ANGEL2: variants seen among roughly 807,000 people sequenced by gnomAD.
ANGEL2 encodes angel homolog 2, also known as RNA 2',3'-cyclic phosphatase ANGEL2.
In ANGEL2, 41 loss-of-function variants were observed where a neutral mutation model predicts 66.0. That is an observed-to-expected ratio of 0.62 (90% confidence interval 0.48 to 0.81). ANGEL2 has a LOEUF of 0.81. Among genes scored for constraint, ANGEL2 ranks in the 30% least tolerant of loss-of-function variants. ANGEL2 has a pLI of 0.00. For missense variants in ANGEL2, 561 were observed against 641.6 expected (o/e 0.87, Z 1.36); for synonymous variants, 208 against 226.5 (o/e 0.92, Z 0.73).
Position 213,000,890 on chromosome 1 carries a change from GA to G in ANGEL2, c.1156del (p.Ser386HisfsTer16), listed in dbSNP as rs1367477028. 3 of 1,611,602 alleles carry G rather than the reference GA, an allele frequency of 1.9e-6. No homozygotes were observed. In the African/African-American group the frequency reaches 4.0e-5, roughly 22 times the overall value. ...AATAGATAAAATTCTTTGTCCCCGT[GA>G]AGACTGTTCCTGGCCAGATACCTAA... ...IGKVSGQEQSSRGQRILSIPI... is the reference protein window; with the variant it reads ...IGKVSGQEQSXRGQRILSIPI... On this transcript the variant is annotated frameshift_variant, in exon 6 of 9. Coordinates refer to ENST00000366962, the MANE Select transcript of ANGEL2 (RefSeq NM_144567.5). LOFTEE classifies it high-confidence loss of function.
At chr1:213,007,305 T>C (rs1053633788) in intron 3 of ANGEL2, 107 bp from the exon 4 acceptor site, 2 of 800,328 alleles carry the variant, frequency 2.5e-6, no homozygotes, top group South Asian at 2.1e-5. Context: ...ATTCCACACC[T>C]GATAAGAATT....
Position 213,015,833 on chromosome 1 carries a change from C to G in ANGEL2, c.-162G>C. Reference sequence around the variant, plus strand: ...GGGAGGTGCAGTCTCGCCGGCCGGCCTACACTCCATCTTGCGCAGTCAGAG... The same window carrying G: ...GGGAGGTGCAGTCTCGCCGGCCGGCGTACACTCCATCTTGCGCAGTCAGAG... On this transcript the variant is annotated 5_prime_UTR_variant, in exon 1 of 9. Coordinates refer to ENST00000366962, the MANE Select transcript of ANGEL2 (RefSeq NM_144567.5). 1 of 846,400 alleles carries G rather than the reference C, an allele frequency of 1.2e-6. No homozygotes were observed. The highest frequency in any genetic ancestry group is 1.8e-6 in the Non-Finnish European group (1 of 542,980). 52.4% of individuals were successfully genotyped at this position (846,400 alleles called of 1,614,324 possible).
intron 8 of ANGEL2, among the ~76,000 whole-genome samples, chr1:212,996,176 G>A (rs188672480): frequency 1.3e-3 from 194 of 151,978 alleles, no homozygotes; most frequent in African/African-American, 2.7e-3. Context: ...GCATGGTGGC[G>A]GGCGCCTGTA....
At chr1:213,015,536 GTT>G in intron 1 of ANGEL2, 75 bp downstream of exon 1, 1 of 1,510,248 alleles carries the variant, frequency 6.6e-7, no homozygotes, top group East Asian at 2.5e-5. Flanking sequence ...CCCGCCCCGG[GTT>G]AGTCCCGGAC....
chr1:212,995,255 T>C (rs2075964757), intron 8 of ANGEL2, 63 bp from the exon 9 acceptor site: 1 of 1,449,466 alleles, frequency 6.9e-7, no homozygotes, highest in Non-Finnish European at 9.3e-7. Context: ...AAATTAATCA[T>C]ACAAGTCTTT....
At chr1:213,007,787 C>T (rs1479534740) in intron 3 of ANGEL2, among the ~76,000 whole-genome samples, 1 of 152,066 alleles carries the variant, frequency 6.6e-6, no homozygotes, top group Non-Finnish European at 1.5e-5. Context: ...TCCTTTCTTA[C>T]CCCACAAACA....
At chr1:213,007,513 T>G (rs942877356) in intron 3 of ANGEL2, among the ~76,000 whole-genome samples, 1 of 152,228 alleles carries the variant, frequency 6.6e-6, no homozygotes, top group Non-Finnish European at 1.5e-5. Flanking sequence ...GGTACTATCT[T>G]TCAGGTCTTA....
intron 5 of ANGEL2, among the ~76,000 whole-genome samples, chr1:213,004,654 C>T (rs960299394): frequency 6.6e-6 from 1 of 151,630 alleles, no homozygotes; most frequent in Non-Finnish European, 1.5e-5. Flanking sequence ...TGGATCACGA[C>T]GTAAGGAGTT....
chr1:213,005,486 ACTGC>A, intron 4 of ANGEL2, 32 bp from the exon 5 acceptor site: 1 of 1,528,876 alleles, frequency 6.5e-7, no homozygotes, highest in Non-Finnish European at 8.8e-7. Flanking sequence ...AAAACAAATG[ACTGC>A]TTTTATATAT....
Position 213,013,420 on chromosome 1 carries a change from T to C in ANGEL2, c.60-2A>G. The C allele has an allele frequency of 6.2e-7, 1 of 1,608,344 alleles. No homozygotes were observed. ...GAGTGATGGGGAAACATGGGGTATC[T>C]AAAAGAAATAAATACACTCCTTGAG... is the stretch of plus-strand genomic sequence containing the variant. On this transcript the variant is annotated splice_acceptor_variant, in intron 1 of 8. Coordinates refer to ENST00000366962, the MANE Select transcript of ANGEL2 (RefSeq NM_144567.5). LOFTEE classifies it high-confidence loss of function.
Position 213,015,007 on chromosome 1 carries a change from G to A in ANGEL2, c.59+606C>T, listed in dbSNP as rs1477977377. 4 of 498,482 alleles carry A rather than the reference G, an allele frequency of 8.0e-6. No homozygotes were observed. The African/African-American group carries it at 8.4e-5, about 10-fold the overall frequency. The allele number at this position is 498,482 out of a possible 1,614,324, so 30.9% of individuals were successfully genotyped here. ...CACTGCTTAGGGTGAAGCTAATGTG[G>A]GCAGCACCTACTGAAGTGCTTTTTA... On this transcript the variant is annotated intron_variant, in intron 1 of 8. Transcript: ENST00000366962.
chr1:213,000,972 A>T, intron 5 of ANGEL2, 60 bp from the exon 6 acceptor site: 1 of 1,509,718 alleles, frequency 6.6e-7, no homozygotes, highest in African/African-American at 1.4e-5. Context: ...TATGAGTTGA[A>T]AAATTTATGT....
chr1:212,994,986 A>G lies in ANGEL2; in HGVS notation c.*55T>C. The G allele has an allele frequency of 1.3e-6, 2 of 1,522,132 alleles. No individual in the cohort carries two copies. Among genetic ancestry groups the G allele is most frequent in the Admixed American group, 2.0e-5 (1 of 48,968 alleles). 94.3% of individuals were successfully genotyped at this position (1,522,132 alleles called of 1,614,324 possible). ...ACATGCATACACTTAAGAACTTTAC[A>G]TTCTTTGAAAAACAATACAAATTGG... On this transcript the variant is annotated 3_prime_UTR_variant, in exon 9 of 9. Transcript: ENST00000366962.
At chr1:213,000,282 C>A (rs2076142716) in intron 7 of ANGEL2, 44 bp downstream of exon 7, 5 of 1,534,072 alleles carry the variant, frequency 3.3e-6, no homozygotes, top group East Asian at 4.5e-5. Flanking sequence ...GTTTTTTATT[C>A]AACTAAAGTT....
At chr1:213,001,034 T>C (rs1572120100) in intron 5 of ANGEL2, 122 bp from the exon 6 acceptor site, 10 of 876,488 alleles carry the variant, frequency 1.1e-5, no homozygotes, top group South Asian at 5.3e-5. Flanking sequence ...TTATTCATTG[T>C]ATTAAGTGAT....
intron 3 of ANGEL2, 137 bp from the exon 4 acceptor site, chr1:213,007,335 T>A: frequency 1.5e-6 from 1 of 683,792 alleles, no homozygotes; most frequent in Non-Finnish European, 2.3e-6. Context: ...GACTTACCTG[T>A]TTTTCTTGTT....
At chr1:213,007,783 C>T (rs946815265) in intron 3 of ANGEL2, among the ~76,000 whole-genome samples, 3 of 152,082 alleles carry the variant, frequency 2.0e-5, no homozygotes, top group African/African-American at 4.8e-5. Flanking sequence ...ATATTCCTTT[C>T]TTACCCCACA....
rs1445292500 is a variant in ANGEL2 at position 212,992,365 on chromosome 1, A to T, written c.*2676T>A. ...TTTCAAACATGAATATTATCTTGAT[A>T]GCAAAAGGTACAGTAAAACCAAAAT... is the stretch of plus-strand genomic sequence containing the variant. On this transcript the variant is annotated 3_prime_UTR_variant, in exon 9 of 9. Transcript: ENST00000366962. The T allele has an allele frequency of 6.6e-6, 1 of 152,276 alleles. No homozygotes were observed. The highest frequency in any genetic ancestry group is 1.9e-4 in the East Asian group (1 of 5,202). 9.4% of individuals were successfully genotyped at this position (152,276 alleles called of 1,614,324 possible).
In ANGEL2 at chr1:212,997,184, G is replaced by T. The variant is rs759337272; in HGVS notation, c.1454C>A (p.Ala485Glu). The change falls in exon 8 of 9, where the codon GCA becomes GAA. Residue 485 changes from alanine (A) to glutamate (E), a missense_variant. Physicochemically the swap from Ala to Glu is moderately radical, Grantham distance 107. Transcript: ENST00000366962. ...GTGCCCAGCAACATCTTCCTTTTCT[G>T]CAGAGTAGAAAATATAATCCACAGT... Reference protein sequence around the residue: ...AITVDYIFYSAEKEDVAGHPG... With the variant: ...AITVDYIFYSEEKEDVAGHPG... The T allele has an allele frequency of 6.2e-6, 10 of 1,613,442 alleles. No individual in the cohort carries two copies. Among genetic ancestry groups the T allele is most frequent in the Non-Finnish European group, 8.5e-6 (10 of 1,179,476 alleles).
Sources: allele counts gnomAD v4.1 joint callset (sites outside exome capture counted in the v4.1 genomes callset), GRCh38; gene constraint gnomAD v4.1.1; transcripts MANE v1.5; gene names NCBI Gene and HGNC (gene_info 2026-07-23, HGNC 2026-07-21).